STK17B: variants seen among roughly 807,000 people sequenced by gnomAD.
The protein encoded by STK17B is serine/threonine-protein kinase 17B.
STK17B carries 21 observed loss-of-function variants against 42.0 expected under a neutral mutation model. That is an observed-to-expected ratio of 0.50 (90% CI 0.35 to 0.72). The LOEUF (loss-of-function observed/expected upper bound fraction) is 0.72. STK17B is among the 30% of genes least tolerant of loss of function. The probability of loss-of-function intolerance (pLI) is 0.00; values close to 1 mark genes in which losing one functional copy is unlikely to be tolerated. For missense variants in STK17B, 349 were observed against 446.0 expected (o/e 0.78, Z 1.96); for synonymous variants, 143 against 148.4 (o/e 0.96, Z 0.26).
chr2:196,164,883 T>C (rs1273659657), intron 1 of STK17B, among the ~76,000 whole-genome samples: 1 of 152,194 alleles, frequency 6.6e-6, no homozygotes, highest in East Asian at 1.9e-4. Context: ...TCTTAGTCTT[T>C]GGGGAAACAG....
intron 3 of STK17B, among the ~76,000 whole-genome samples, chr2:196,148,137 T>C (rs1699609907): frequency 6.6e-6 from 1 of 152,178 alleles, no homozygotes; most frequent in Non-Finnish European, 1.5e-5. Context: ...AAATAAGGTA[T>C]AGAAAGACAA....
At position 196,145,901 on chromosome 2, in the gene STK17B, G is replaced by A. The variant is rs766595217; in HGVS notation, c.480+10C>T. On this transcript the variant is annotated intron_variant, in intron 4 of 7. Coordinates refer to ENST00000263955, the MANE Select transcript of STK17B (RefSeq NM_004226.4). Reference sequence around the variant, plus strand: ...CAGATGTTGCATTACTTTAAATCACGTTACGTTACCTTTAAATCAAGGTGT... The same window carrying A: ...CAGATGTTGCATTACTTTAAATCACATTACGTTACCTTTAAATCAAGGTGT... The A allele has an allele frequency of 5.1e-5, 79 of 1,555,832 alleles. No homozygotes were observed. The highest frequency in any genetic ancestry group is 6.6e-5 in the Non-Finnish European group (76 of 1,156,528).
At chr2:196,146,788 C>T (rs1479433188) in intron 3 of STK17B, among the ~76,000 whole-genome samples, 1 of 151,976 alleles carries the variant, frequency 6.6e-6, no homozygotes, top group African/African-American at 2.4e-5. Context: ...GGTTACTACA[C>T]CCATTTTACA....
chr2:196,159,126 G>A (rs952857031), intron 2 of STK17B, among the ~76,000 whole-genome samples: 1 of 151,958 alleles, frequency 6.6e-6, no homozygotes, highest in Non-Finnish European at 1.5e-5. Context: ...GGAAATTTTG[G>A]GCTTTATAAA....
chr2:196,160,317 C>G (rs1384250429), intron 2 of STK17B, among the ~76,000 whole-genome samples: 1 of 152,094 alleles, frequency 6.6e-6, no homozygotes, highest in African/African-American at 2.4e-5. Context: ...CTTCTAACCA[C>G]AAGAAGTCCT....
At chr2:196,159,088 C>T (rs16845970) in intron 2 of STK17B, among the ~76,000 whole-genome samples, 4,528 of 150,872 alleles carry the variant, frequency 0.03, 73 homozygotes, top group Middle Eastern at 0.049. Context: ...ACTTAGATTT[C>T]GAAGCAAAAA....
chr2:196,163,251 G>T lies in STK17B; in HGVS notation c.122+11C>A. 6.2e-7 allele frequency: 1 copy of T among 1,608,052 alleles called. No homozygotes were observed. The highest frequency in any genetic ancestry group is 1.1e-5 in the South Asian group (1 of 90,362). On this transcript the variant is annotated intron_variant, in intron 2 of 7. Transcript: ENST00000263955. ...AATTTAGATGGCATACACGTCATAT[G>T]GTTTTCTTACCTCCCTAGCTCTTTA...
In STK17B at chr2:196,133,666, A is replaced by G. The variant is rs1017761415; in HGVS notation, c.*3781T>C. On this transcript the variant is annotated 3_prime_UTR_variant, in exon 8 of 8. Transcript: ENST00000263955. ...GGCTAGAACATGCAGACATACTTTT[A>G]AGAACAATAAATTTAGAAATGCTTT... The G allele has an allele frequency of 6.6e-6, 1 of 152,256 alleles. No homozygotes were observed. The highest frequency in any genetic ancestry group is 2.4e-5 in the African/African-American group (1 of 41,470). 9.4% of individuals were successfully genotyped at this position (152,256 alleles called of 1,614,324 possible).
intron 4 of STK17B, 67 bp downstream of exon 4, chr2:196,145,844 C>T: frequency 6.9e-7 from 1 of 1,457,028 alleles, no homozygotes; most frequent in Non-Finnish European, 9.1e-7. Context: ...TACCAGTTTG[C>T]AACTGTGCAT....
intron 2 of STK17B, among the ~76,000 whole-genome samples, chr2:196,161,511 C>CTTTTTTTTT (rs71009086): frequency 1.4e-5 from 1 of 69,520 alleles, no homozygotes; most frequent in Non-Finnish European, 2.5e-5. Context: ...TATTATAATT[C>CTTTTTTTTT]TTTTTTTTTT....
At chr2:196,153,395 AGG>A (rs545360719) in intron 3 of STK17B, 267 of 152,250 alleles carry the variant, frequency 1.8e-3, no homozygotes, top group African/African-American at 5.8e-3. Context: ...ACTGTGAGAG[AGG>A]GGAGATGCAT....
Position 196,141,240 on chromosome 2 carries a change from A to G in STK17B, c.656+9T>C. The stretch of plus-strand genomic sequence containing the variant: ...ATAAAGATGTTTAAGGTAACTAACA[A>G]CATCTTACCACATATCTGTTGCTGT... On this transcript the variant is annotated intron_variant, in intron 6 of 7. Transcript: ENST00000263955. 1 of 1,601,598 alleles carries G rather than the reference A, an allele frequency of 6.2e-7. No individual in the cohort carries two copies. The highest frequency in any genetic ancestry group is 8.5e-7 in the Non-Finnish European group (1 of 1,172,384).
At chr2:196,146,126 G>A in intron 3 of STK17B, 71 bp from the exon 4 acceptor site, 1 of 1,412,454 alleles carries the variant, frequency 7.1e-7, no homozygotes, top group Non-Finnish European at 9.4e-7. Flanking sequence ...TTGTGTACCT[G>A]TTAAGTAAAA....
rs769292874 is a variant in STK17B, at chr2:196,141,271, TG to T, written c.633del (p.Ile212LeufsTer12). 2 of 1,607,498 alleles carry T rather than the reference TG, an allele frequency of 1.2e-6. No individual in the cohort carries two copies. Among genetic ancestry groups the T allele is most frequent in the East Asian group, 2.2e-5 (1 of 44,810 alleles). ...TACCACATATCTGTTGCTGTGGTAA[TG>T]GGATCATAGTTCAGGATTTCTGGAG... ...YLAPEILNYD[P>X]ITTATDMWNI... On this transcript the variant is annotated frameshift_variant, in exon 6 of 8. Coordinates refer to ENST00000263955, the MANE Select transcript of STK17B (RefSeq NM_004226.4). LOFTEE classifies it high-confidence loss of function.
intron 2 of STK17B, among the ~76,000 whole-genome samples, chr2:196,162,269 C>G (rs1202729585): frequency 6.6e-6 from 1 of 152,156 alleles, no homozygotes; most frequent in East Asian, 1.9e-4. Flanking sequence ...AGTTTATACA[C>G]TGGTTAAGAG....
At chr2:196,151,015 T>C (rs747205329) in intron 3 of STK17B, among the ~76,000 whole-genome samples, 1 of 152,224 alleles carries the variant, frequency 6.6e-6, no homozygotes, top group Non-Finnish European at 1.5e-5. Flanking sequence ...TCTCTGGTGA[T>C]TGAGATCATT....
At chr2:196,162,742 C>T (rs977435854) in intron 2 of STK17B, among the ~76,000 whole-genome samples, 3 of 151,748 alleles carry the variant, frequency 2.0e-5, no homozygotes, top group African/African-American at 4.8e-5. Context: ...TACAAAAAAC[C>T]AGCCCAGTGT....
chr2:196,146,019 A>C lies in STK17B; in HGVS notation c.372T>G (p.Pro124=), dbSNP rs1575174567. The change falls in exon 4 of 8, where the codon CCT becomes CCG. Residue 124 remains proline, a synonymous_variant. Transcript: ENST00000263955. ...TTTCAGAAACCATTTCAGCCAACTCAGGTAAACACAGGCTGAAAATTTCTC... is the reference window on the plus strand; with the variant it reads ...TTTCAGAAACCATTTCAGCCAACTCCGGTAAACACAGGCTGAAAATTTCTC... ...AGGEIFSLCL[P]ELAEMVSEND... The C allele has an allele frequency of 6.3e-7, 1 of 1,597,394 alleles. No homozygotes were observed. Among genetic ancestry groups the C allele is most frequent in the Non-Finnish European group, 8.5e-7 (1 of 1,175,634 alleles).
upstream of STK17B, among the ~76,000 whole-genome samples, chr2:196,174,722 C>T (rs1329194907): frequency 2.0e-5 from 3 of 152,230 alleles, no homozygotes; most frequent in South Asian, 2.1e-4. Flanking sequence ...ATGGAGATGT[C>T]GCAGTGCATT....
Sources: allele counts gnomAD v4.1 joint callset (sites outside exome capture counted in the v4.1 genomes callset), GRCh38; gene constraint gnomAD v4.1.1; transcripts MANE v1.5; gene names NCBI Gene and HGNC (gene_info 2026-07-23, HGNC 2026-07-21).